Variants in MMP26 observed in about 807,000 individuals in gnomAD.
MMP26 encodes matrix metallopeptidase 26, also known as matrix metalloproteinase-26.
In MMP26, 33 loss-of-function variants were observed where a neutral mutation model predicts 31.0. The observed-to-expected ratio is 1.06, with a 90% confidence interval of 0.81 to 1.42. The LOEUF is 1.42. Ranked by LOEUF, MMP26 falls within the 40% of genes most tolerant of loss-of-function variation. The pLI is 0.00. For synonymous variants in MMP26, 122 were observed against 114.9 expected, an observed-to-expected ratio of 1.06 and a Z score of -0.40; for missense variants, 347 against 316.1, an observed-to-expected ratio of 1.10 and a Z score of -0.74.
At chr11:4,854,780 A>G (rs1850025671) in intron 2 of MMP26, among the ~76,000 whole-genome samples, 1 of 152,188 alleles carries the variant, frequency 6.6e-6, no homozygotes, top group Non-Finnish European at 1.5e-5. Context: ...TGGGTCCCTG[A>G]CCCTCGAGTA....
At chr11:4,819,755 G>T (rs36060165) in intron 2 of MMP26, among the ~76,000 whole-genome samples, 15,130 of 151,396 alleles carry the variant, frequency 0.1, 919 homozygotes, top group Middle Eastern at 0.17. Context: ...ATTTGTAAAC[G>T]TTTTTGTAGA....
chr11:4,784,609 G>T (rs529085528), intron 2 of MMP26, among the ~76,000 whole-genome samples: 3 of 152,124 alleles, frequency 2.0e-5, no homozygotes, highest in Non-Finnish European at 4.4e-5. Flanking sequence ...ATCTGAAGCC[G>T]TGACAGCTGG....
At chr11:4,716,650 CTTTTTT>C (rs71050424) in intron 1 of MMP26, among the ~76,000 whole-genome samples, 6 of 65,040 alleles carry the variant, frequency 9.2e-5, no homozygotes, top group Admixed American at 2.4e-4. Context: ...TCTCTTACCT[CTTTTTT>C]TTTTTTTTTT....
chr11:4,936,393 A>C (rs142388564), intron 2 of MMP26, among the ~76,000 whole-genome samples: 1,979 of 152,070 alleles, frequency 0.013, 40 homozygotes, highest in African/African-American at 0.045. Context: ...CTCTGATGGT[A>C]GTTTGTATTT....
intron 1 of MMP26, among the ~76,000 whole-genome samples, chr11:4,737,675 C>CA (rs1238370195): frequency 6.6e-6 from 1 of 150,490 alleles, no homozygotes; most frequent in African/African-American, 2.5e-5. Flanking sequence ...AACACAAAAA[C>CA]AAAAAAACCC....
At chr11:4,946,294 G>C in intron 2 of MMP26, 1 of 1,613,796 alleles carries the variant, frequency 6.2e-7, no homozygotes, top group Non-Finnish European at 8.5e-7. Context: ...TGAGGGGAGA[G>C]ACATGCCGGG....
chr11:4,831,794 A>C (rs997528558), intron 2 of MMP26, among the ~76,000 whole-genome samples: 1 of 152,210 alleles, frequency 6.6e-6, no homozygotes, highest in Non-Finnish European at 1.5e-5. Flanking sequence ...AGTTTAATTG[A>C]ATCAAAAATC....
chr11:4,871,271 G>A (rs770672856), intron 2 of MMP26, among the ~76,000 whole-genome samples: 8 of 152,018 alleles, frequency 5.3e-5, no homozygotes, highest in South Asian at 2.1e-4. Flanking sequence ...GGGAAGTATC[G>A]ACAGGGATTG....
chr11:4,888,904 G>A (rs1344158826), intron 2 of MMP26, among the ~76,000 whole-genome samples: 7 of 152,162 alleles, frequency 4.6e-5, no homozygotes, highest in Non-Finnish European at 1.0e-4. Context: ...AAAGAAACCA[G>A]CAACTGGATT....
intron 2 of MMP26, among the ~76,000 whole-genome samples, chr11:4,812,863 G>A (rs1017480453): frequency 4.6e-5 from 7 of 152,054 alleles, no homozygotes; most frequent in South Asian, 2.1e-4. Context: ...AAAAGGAAAG[G>A]CAGATGTGTG....
At chr11:4,944,975 G>C (rs1288042589) in intron 2 of MMP26, 1 of 152,026 alleles carries the variant, frequency 6.6e-6, no homozygotes, top group African/African-American at 2.4e-5. Context: ...CATCAGAAGT[G>C]TCCTAGACAT....
chr11:4,705,139 G>T lies in MMP26; in HGVS notation c.-217+94G>T, dbSNP rs532580954. ...TGAAACAAACGCGGAAGTATTCAGAGTAAATGTGAGCATGAACTCAGTAGT... is the reference window on the plus strand; with the variant it reads ...TGAAACAAACGCGGAAGTATTCAGATTAAATGTGAGCATGAACTCAGTAGT... On this transcript the variant is annotated intron_variant, in intron 1 of 7. Coordinates refer to ENST00000380390, the MANE Select transcript of MMP26 (RefSeq NM_021801.5). 1.1e-3 allele frequency: 175 copies of T among 152,320 alleles called. 1 individual carries two copies. The highest frequency in any genetic ancestry group is 4.0e-3 in the African/African-American group (168 of 41,570). The allele number at this position is 152,320 out of a possible 1,614,324, so 9.4% of individuals were successfully genotyped here.
At position 4,955,104 on chromosome 11, in the gene MMP26, C is replaced by CA. The variant is rs761077675; in HGVS notation, c.-144-32958dup. On this transcript the variant is annotated intron_variant, in intron 2 of 7. Transcript: ENST00000380390. Reference sequence around the variant, plus strand: ...AAGTCTACCATAAGGCAGAGTGCTCCAAAAAAGCCATAGATAACATCAATT... The same window carrying CA: ...AAGTCTACCATAAGGCAGAGTGCTCCAAAAAAAGCCATAGATAACATCAATT... 4.8e-5 allele frequency: 67 copies of CA among 1,397,598 alleles called. 14 individuals are homozygous for CA. In the East Asian group the frequency reaches 5.3e-4, roughly 11 times the overall value. The allele number at this position is 1,397,598 out of a possible 1,614,324, so 86.6% of individuals were successfully genotyped here. A position where few individuals can be genotyped will look rare whatever the true frequency, so the allele number is the denominator to read the frequency against.
intron 2 of MMP26, among the ~76,000 whole-genome samples, chr11:4,805,443 C>G (rs1301643272): frequency 6.6e-6 from 1 of 152,176 alleles, no homozygotes; most frequent in African/African-American, 2.4e-5. Flanking sequence ...TAACCATAGT[C>G]AACACATAAA....
chr11:4,982,066 G>GTA (rs146745090), intron 2 of MMP26, among the ~76,000 whole-genome samples: 16,244 of 148,800 alleles, frequency 0.11, 1,137 homozygotes, highest in East Asian at 0.21. Context: ...ATGTATGTAT[G>GTA]TATATATATA....
intron 2 of MMP26, among the ~76,000 whole-genome samples, chr11:4,802,246 A>T (rs747793196): frequency 3.3e-5 from 5 of 152,226 alleles, no homozygotes; most frequent in Non-Finnish European, 7.3e-5. Context: ...CATGCAAATT[A>T]GATGTTCTGT....
At position 4,991,455 on chromosome 11, in the gene MMP26, T is replaced by A; in HGVS notation, c.554T>A (p.Val185Asp). 6.2e-7 allele frequency: 1 copy of A among 1,614,040 alleles called. No homozygotes were observed. The highest frequency in any genetic ancestry group is 8.5e-7 in the Non-Finnish European group (1 of 1,179,900). The change falls in exon 6 of 8, where the codon GTC (valine) becomes GAC (aspartate). Residue 185 changes from valine (V) to aspartate (D), a missense_variant. Physicochemically the swap from Val to Asp is radical, Grantham distance 152 (BLOSUM62 -3). Coordinates refer to ENST00000380390, the MANE Select transcript of MMP26 (RefSeq NM_021801.5). ...CCAAATTCTGGAAATCCTGGAGTTG[T>A]CCATTTTGACAAGAATGAACACTGG... Reference protein sequence around the residue: ...FLPNSGNPGVVHFDKNEHWSA... With the variant: ...FLPNSGNPGVDHFDKNEHWSA...
At chr11:4,973,788 T>C (rs1846699205) in intron 2 of MMP26, 1 of 155,124 alleles carries the variant, frequency 6.4e-6, no homozygotes, top group African/African-American at 2.4e-5. Context: ...ATGAGACATA[T>C]GGGGATAGAG....
At chr11:4,970,942 G>A (rs1189069531) in intron 2 of MMP26, among the ~76,000 whole-genome samples, 1 of 152,168 alleles carries the variant, frequency 6.6e-6, no homozygotes, top group Non-Finnish European at 1.5e-5. Context: ...GGGGTGAAGG[G>A]AGTGAATAGA....
Sources: allele counts gnomAD v4.1 joint callset (sites outside exome capture counted in the v4.1 genomes callset), GRCh38; gene constraint gnomAD v4.1.1; transcripts MANE v1.5; gene names NCBI Gene and HGNC (gene_info 2026-07-23, HGNC 2026-07-21).